Variants in BLTP3A observed in about 807,000 individuals in gnomAD.
BLTP3A encodes the protein bridge-like lipid transfer protein family member 3A, also known as ICBP90 binding protein 1.
At chr6:34,851,636 C>T in the BLTP3A span, among the ~76,000 whole-genome samples, 1,287 of 152,282 alleles carry the variant, frequency 8.5e-3, 19 homozygotes, top group African/African-American at 0.027. Context: ...CTGGCTGCTG[C>T]TGATATTCAC....
chr6:34,796,999 G>A, the BLTP3A span, among the ~76,000 whole-genome samples: 5 of 152,184 alleles, frequency 3.3e-5, no homozygotes, highest in Non-Finnish European at 1.5e-5. Context: ...CACTGCGCCC[G>A]GCCCTGAGCC....
chr6:34,851,793 G>A, the BLTP3A span, among the ~76,000 whole-genome samples: 1 of 152,120 alleles, frequency 6.6e-6, no homozygotes, highest in African/African-American at 2.4e-5. Context: ...AATCTATGTA[G>A]TGCTCTATTC....
chr6:34,811,686 GCA>G, the BLTP3A span, among the ~76,000 whole-genome samples: 2 of 90,894 alleles, frequency 2.2e-5, 1 homozygote. Flanking sequence ...CCCCCCCCCC[GCA>G]TCTCTACTAA....
the BLTP3A span, among the ~76,000 whole-genome samples, chr6:34,797,564 T>G: frequency 1.1e-3 from 175 of 152,308 alleles, 1 homozygote; most frequent in African/African-American, 4.1e-3. Context: ...AGTCACAACT[T>G]CCAGTCATGT....
the BLTP3A span, chr6:34,835,250 A>G: frequency 2.5e-6 from 4 of 1,586,050 alleles, no homozygotes; most frequent in Non-Finnish European, 2.6e-6. Context: ...GAAAGTTGGA[A>G]TGATACGAGG....
the BLTP3A span, among the ~76,000 whole-genome samples, chr6:34,818,080 G>C: frequency 6.6e-6 from 1 of 151,922 alleles, no homozygotes; most frequent in Admixed American, 6.6e-5. Context: ...GGATGGTCTC[G>C]ATCTCCTGAC....
chr6:34,834,701 T>G, the BLTP3A span: 1 of 1,612,156 alleles, frequency 6.2e-7, no homozygotes, highest in South Asian at 1.1e-5. Flanking sequence ...ATTAAGGGAT[T>G]GTACTTTCTC....
chr6:34,819,491 G>A, the BLTP3A span, among the ~76,000 whole-genome samples: 1 of 152,068 alleles, frequency 6.6e-6, no homozygotes, highest in African/African-American at 2.4e-5. Context: ...ATTCTGTTGG[G>A]TCATCATTTG....
chr6:34,864,325 CA>C, the BLTP3A span: 6 of 1,005,394 alleles, frequency 6.0e-6, no homozygotes, highest in South Asian at 2.2e-5. Flanking sequence ...TTAATCAAGA[CA>C]AAAAAAGAGA....
the BLTP3A span, chr6:34,858,796 G>A: frequency 4.3e-6 from 7 of 1,614,082 alleles, no homozygotes; most frequent in South Asian, 7.7e-5. Flanking sequence ...GGAGGATGTA[G>A]CAGATGTTCA....
At chr6:34,815,587 C>T in the BLTP3A span, among the ~76,000 whole-genome samples, 1 of 151,890 alleles carries the variant, frequency 6.6e-6, no homozygotes, top group Non-Finnish European at 1.5e-5. Context: ...TTTTAGCTGA[C>T]AAAAGGATAT....
At chr6:34,836,347 A>G in the BLTP3A span, 1 of 1,613,698 alleles carries the variant, frequency 6.2e-7, no homozygotes, top group African/African-American at 1.3e-5. Context: ...CCCGAGAGCC[A>G]GGTACCCCAT....
chr6:34,833,616 TA>T, the BLTP3A span, among the ~76,000 whole-genome samples: 2 of 151,356 alleles, frequency 1.3e-5, no homozygotes, highest in African/African-American at 4.9e-5. Flanking sequence ...ATTCCATTCT[TA>T]AAAAAAAATT....
At chr6:34,872,384 T>A in the BLTP3A span, 1 of 1,613,094 alleles carries the variant, frequency 6.2e-7, no homozygotes, top group Non-Finnish European at 8.5e-7. Flanking sequence ...CCAACCAGGA[T>A]AAAGAAAAAC....
the BLTP3A span, chr6:34,821,984 C>G: frequency 6.2e-7 from 1 of 1,614,006 alleles, no homozygotes; most frequent in Non-Finnish European, 8.5e-7. Flanking sequence ...TGCAAGTTAT[C>G]AAATGGGGAT....
chr6:34,799,934 T>C, the BLTP3A span, among the ~76,000 whole-genome samples: 1 of 152,160 alleles, frequency 6.6e-6, no homozygotes, highest in African/African-American at 2.4e-5. Flanking sequence ...TTCAAGGTTA[T>C]GCCAGACTTT....
the BLTP3A span, among the ~76,000 whole-genome samples, chr6:34,809,445 T>C: frequency 6.6e-6 from 1 of 152,184 alleles, no homozygotes; most frequent in African/African-American, 2.4e-5. Context: ...TAATAAGTTC[T>C]TAATAAAAGA....
At chr6:34,827,083 C>T in the BLTP3A span, among the ~76,000 whole-genome samples, 1 of 152,098 alleles carries the variant, frequency 6.6e-6, no homozygotes, top group Non-Finnish European at 1.5e-5. Context: ...GAGGCCAAGG[C>T]GGGTGGATCA....
chr6:34,811,652 C>G, the BLTP3A span, among the ~76,000 whole-genome samples: 2 of 150,736 alleles, frequency 1.3e-5, no homozygotes, highest in Non-Finnish European at 3.0e-5. Context: ...GAGTTCGAGA[C>G]CAGCCTGGCT....
Sources: allele counts gnomAD v4.1 joint callset (sites outside exome capture counted in the v4.1 genomes callset), GRCh38; gene constraint gnomAD v4.1.1; transcripts MANE v1.5; gene names NCBI Gene and HGNC (gene_info 2026-07-23, HGNC 2026-07-21).